INTS11: variants seen among roughly 807,000 people sequenced by gnomAD.
INTS11 encodes CPSF3-like protein.
In INTS11, 77 loss-of-function variants were observed where a neutral mutation model predicts 78.6. That is an observed-to-expected ratio of 0.98 (90% CI 0.81 to 1.18). The LOEUF (loss-of-function observed/expected upper bound fraction) is 1.18. INTS11 is among the 50% of genes most tolerant of loss of function. INTS11 has a pLI of 0.00. For synonymous variants in INTS11, 441 were observed against 326.9 expected, an observed-to-expected ratio of 1.35 and a Z score of -3.77; for missense variants, 875 against 825.9, an observed-to-expected ratio of 1.06 and a Z score of -0.73.
chr1:1,314,489 G>C lies in INTS11; in HGVS notation c.703-124C>G. The C allele has an allele frequency of 1.2e-6, 1 of 841,318 alleles. No individual in the cohort carries two copies. The highest frequency in any genetic ancestry group is 1.8e-6 in the Non-Finnish European group (1 of 543,788). 52.1% of individuals were successfully genotyped at this position (841,318 alleles called of 1,614,324 possible). Reference sequence around the variant, plus strand: ...TCATAGGGACCTTAGCCTCTCATCTGCTCCCAGTCCCGTCCCAGCCGCTCT... The same window carrying C: ...TCATAGGGACCTTAGCCTCTCATCTCCTCCCAGTCCCGTCCCAGCCGCTCT... On this transcript the variant is annotated intron_variant, in intron 7 of 16. Transcript: ENST00000435064. The surrounding 1 kb of genome is among the most constrained non-coding windows in gnomAD (Gnocchi z 4.2).
chr1:1,313,414 G>A lies in INTS11; in HGVS notation c.1041+95C>T, dbSNP rs144721249. The A allele has an allele frequency of 1.4e-3, 2,005 of 1,407,724 alleles. 28 individuals carry two copies. The African/African-American group carries it at 0.025, about 18-fold the overall frequency. The allele number at this position is 1,407,724 out of a possible 1,614,324, so 87.2% of individuals were successfully genotyped here. A position where few individuals can be genotyped will look rare whatever the true frequency, so the allele number is the denominator to read the frequency against. On this transcript the variant is annotated intron_variant, in intron 10 of 16. Transcript: ENST00000435064. ...AGCAGCCACGTCCCTTGGCCAGCAC[G>A]AGGCCAAGCCAGTGAGAGCTCAGAG...
chr1:1,320,403 C>G, intron 3 of INTS11, 53 bp downstream of exon 3: 1 of 1,574,236 alleles, frequency 6.4e-7, no homozygotes, highest in South Asian at 1.1e-5. Context: ...CAAGGTGGCC[C>G]AAGCCCCACA....
At chr1:1,322,796 A>T in intron 1 of INTS11, 1 of 767,414 alleles carries the variant, frequency 1.3e-6, no homozygotes, top group Non-Finnish European at 1.6e-6. Context: ...GAGTGACCCC[A>T]AGGACACAGC....
intron 1 of INTS11, among the ~76,000 whole-genome samples, chr1:1,324,061 GGA>G: frequency 1.4e-5 from 1 of 70,208 alleles, no homozygotes; most frequent in Non-Finnish European, 3.0e-5. Flanking sequence ...GGGGGCTGAG[GGA>G]CTGAGGGGCT....
Position 1,314,596 on chromosome 1 carries a change from G to A in INTS11, c.702+228C>T. The A allele has an allele frequency of 1.6e-6, 1 of 643,934 alleles. No individual in the cohort carries two copies. Among genetic ancestry groups the A allele is most frequent in the Non-Finnish European group, 2.6e-6 (1 of 377,872 alleles). The allele number at this position is 643,934 out of a possible 1,614,324, so 39.9% of individuals were successfully genotyped here. A position where few individuals can be genotyped will look rare whatever the true frequency, so the allele number is the denominator to read the frequency against. ...GGGAGCTGCATGAGAGACAGAAGGA[G>A]CCTGGCCAGGGCTTCGTCCGCACCT... is the stretch of plus-strand genomic sequence containing the variant. On this transcript the variant is annotated intron_variant, in intron 7 of 16. Transcript: ENST00000435064. This position sits in a 1 kb window ranked among gnomAD's most constrained non-coding sequence, Gnocchi z 4.2.
intron 1 of INTS11, chr1:1,321,990 A>T: frequency 8.7e-7 from 1 of 1,155,932 alleles, no homozygotes; most frequent in Non-Finnish European, 1.1e-6. Flanking sequence ...GCTGCCTGCC[A>T]CAGAGAGGGG....
chr1:1,318,711 C>T (rs1411447906), intron 4 of INTS11: 1 of 470,466 alleles, frequency 2.1e-6, no homozygotes, highest in Non-Finnish European at 3.9e-6. Flanking sequence ...TTGACAAGTT[C>T]AATCAGAAAA....
chr1:1,312,457 G>C lies in INTS11; in HGVS notation c.1447C>G (p.Leu483Val). ...GCACTCACGCTGTCCTTCATGATCA[G>C]GGTGCCGTGCAGGAGCCGAGGCTTC... Reference protein sequence around the residue: ...AKKPRLLHGTLIMKDSNFRLV... With the variant: ...AKKPRLLHGTVIMKDSNFRLV... The change falls in exon 14 of 17, where the codon CTG (leucine) becomes GTG (valine). Residue 483 changes from leucine (L) to valine (V), a missense_variant. Leu to Val is a conservative substitution (Grantham distance 32, BLOSUM62 1). Transcript: ENST00000435064. 6.4e-7 allele frequency: 1 copy of C among 1,572,824 alleles called. No homozygotes were observed. Among genetic ancestry groups the C allele is most frequent in the Non-Finnish European group, 8.6e-7 (1 of 1,159,656 alleles).
At chr1:1,322,259 T>A (rs1322545583) in intron 1 of INTS11, among the ~76,000 whole-genome samples, 1 of 151,292 alleles carries the variant, frequency 6.6e-6, no homozygotes, top group African/African-American at 2.4e-5. Flanking sequence ...AGTCCTGAAG[T>A]ACTGGCAGTC....
intron 3 of INTS11, chr1:1,320,046 G>T (rs1164542155): frequency 2.2e-5 from 5 of 222,550 alleles, no homozygotes; most frequent in Non-Finnish European, 3.6e-5. Flanking sequence ...GCAGGGAAGG[G>T]CAGGGGGCCA....
At chr1:1,315,250 G>T (rs774164739) in intron 6 of INTS11, 154 bp downstream of exon 6, 3 of 923,100 alleles carry the variant, frequency 3.2e-6, no homozygotes, top group Non-Finnish European at 5.1e-6. Flanking sequence ...GTGCCTTCGC[G>T]CATTTGGGCC....
chr1:1,319,048 G>C (rs752174856), intron 4 of INTS11: 1 of 716,636 alleles, frequency 1.4e-6, no homozygotes, highest in Admixed American at 2.0e-5. Flanking sequence ...ACAGAGCCTG[G>C]TGGGTTCATA....
chr1:1,313,375 C>T (rs1369232903), intron 10 of INTS11, 134 bp downstream of exon 10: 16 of 1,060,076 alleles, frequency 1.5e-5, no homozygotes, highest in Admixed American at 4.0e-5. Context: ...ACATCGCCCC[C>T]GTTCCCCAGC....
chr1:1,320,823 C>G, intron 2 of INTS11, 173 bp downstream of exon 2: 1 of 750,696 alleles, frequency 1.3e-6, no homozygotes, highest in Non-Finnish European at 2.4e-6. Flanking sequence ...GGGGACCCCA[C>G]CATGCAGGGG....
In INTS11 at chr1:1,314,115, C is replaced by T. The variant is rs1480013926; in HGVS notation, c.767+186G>A. Reference sequence around the variant, plus strand: ...GGAGAACCAGGAACCCCTACAAGAGCCGCACACGGTGGCGCTGACGGGATG... The same window carrying T: ...GGAGAACCAGGAACCCCTACAAGAGTCGCACACGGTGGCGCTGACGGGATG... On this transcript the variant is annotated intron_variant, in intron 8 of 16. Transcript: ENST00000435064. This position sits in a 1 kb window ranked among gnomAD's most constrained non-coding sequence, Gnocchi z 4.2. 2 of 761,122 alleles carry T rather than the reference C, an allele frequency of 2.6e-6. No homozygotes were observed. The highest frequency in any genetic ancestry group is 1.8e-5 in the African/African-American group (1 of 57,064). The allele number at this position is 761,122 out of a possible 1,614,324, so 47.1% of individuals were successfully genotyped here.
At chr1:1,318,310 G>A (rs1284514462) in intron 4 of INTS11, among the ~76,000 whole-genome samples, 2 of 152,086 alleles carry the variant, frequency 1.3e-5, no homozygotes, top group Non-Finnish European at 2.9e-5. Flanking sequence ...ATAAAACTAA[G>A]CAAATGTTGG....
chr1:1,315,211 G>A (rs1642506128), intron 6 of INTS11, 193 bp downstream of exon 6: 2 of 750,972 alleles, frequency 2.7e-6, no homozygotes, highest in Admixed American at 5.0e-5. Flanking sequence ...AGAGAGAGAA[G>A]GAGGGACAGA....
At chr1:1,323,024 C>A in intron 1 of INTS11, 7 of 1,402,218 alleles carry the variant, frequency 5.0e-6, no homozygotes, top group Non-Finnish European at 5.6e-6. Flanking sequence ...GGGAAAGGGG[C>A]AGGCTGGGAG....
chr1:1,316,205 C>T (rs1339097234), intron 4 of INTS11: 2 of 174,788 alleles, frequency 1.1e-5, no homozygotes, highest in East Asian at 1.8e-4. Context: ...TCGCTTGAAC[C>T]TGGGAAGTGG....
Sources: gnomAD v4.1 joint callset for allele counts (sites outside exome capture counted in the v4.1 genomes callset) on GRCh38, gnomAD v4.1.1 for gene constraint, Gnocchi (gnomAD v3.1) non-coding constraint, MANE v1.5 for transcripts, NCBI Gene and HGNC (gene_info 2026-07-23, HGNC 2026-07-21) for gene names.